ANKFY1: variants seen among roughly 807,000 people sequenced by gnomAD.
ANKFY1 encodes the protein ankyrin repeat and FYVE domain-containing protein 1.
In ANKFY1, 47 loss-of-function variants were observed where a neutral mutation model predicts 128.3. The ratio of observed to expected loss-of-function variants is 0.37; its 90% CI spans 0.29 to 0.47. The LOEUF (loss-of-function observed/expected upper bound fraction) is 0.47, where lower values mean the gene tolerates loss of function less well. Among genes scored for constraint, ANKFY1 ranks in the 20% least tolerant of loss-of-function variants. The pLI, the probability that ANKFY1 is intolerant of heterozygous loss-of-function variation, is 1.00. For missense variants in ANKFY1, 1,222 were observed against 1,510.6 expected (o/e 0.81, Z 3.17); for synonymous variants, 553 against 601.6 (o/e 0.92, Z 1.18).
chr17:4,218,269 C>G (rs1189938361), intron 3 of ANKFY1, among the ~76,000 whole-genome samples: 1 of 152,092 alleles, frequency 6.6e-6, no homozygotes, highest in Non-Finnish European at 1.5e-5. Context: ...CTAAGATGCT[C>G]AGCACAATAT....
Position 4,179,741 on chromosome 17 carries a change from C to A in ANKFY1, c.2377G>T (p.Gly793Cys). The A allele has an allele frequency of 6.2e-7, 1 of 1,614,188 alleles. No individual in the cohort carries two copies. Among genetic ancestry groups the A allele is most frequent in the Non-Finnish European group, 8.5e-7 (1 of 1,180,050 alleles). Residue 793 changes from glycine (G) to cysteine (C), a missense_variant, in exon 17 of 25, where the codon GGT (glycine) becomes TGT (cysteine). Transcript: ENST00000341657. ...EETVQCLLEFGANVNAQDAEG... is the reference protein window; with the variant it reads ...EETVQCLLEFCANVNAQDAEG... ...CACACCTGTGCGTTCACGTTGGCAC[C>A]AAACTCCAGAAGACACTGTACTGTC...
intron 1 of ANKFY1, among the ~76,000 whole-genome samples, chr17:4,253,437 T>C (rs1468901149): frequency 6.6e-6 from 1 of 152,190 alleles, no homozygotes; most frequent in Admixed American, 6.5e-5. Context: ...TTATTGTTTG[T>C]CAATTACACC....
In ANKFY1 at chr17:4,169,343, C is replaced by T; in HGVS notation, c.3287-55G>A. The T allele has an allele frequency of 7.2e-7, 1 of 1,389,854 alleles. No homozygotes were observed. The highest frequency in any genetic ancestry group is 9.9e-7 in the Non-Finnish European group (1 of 1,005,124). 86.1% of individuals were successfully genotyped at this position (1,389,854 alleles called of 1,614,324 possible). On this transcript the variant is annotated intron_variant, in intron 23 of 24. Coordinates refer to ENST00000341657, the MANE Select transcript of ANKFY1 (RefSeq NM_001330063.2). This position sits in a 1 kb window ranked among gnomAD's most constrained non-coding sequence, Gnocchi z 5.0. ...TCAAACCGCGACGGCGCCACGCAAG[C>T]CCCAGGGCTTGGAGGCAGCAGGAAC...
At chr17:4,171,065 G>T (rs892331916) in intron 22 of ANKFY1, among the ~76,000 whole-genome samples, 1 of 152,196 alleles carries the variant, frequency 6.6e-6, no homozygotes, top group Non-Finnish European at 1.5e-5. Flanking sequence ...ATGTGGCCAC[G>T]AGCCAAAGAA....
At chr17:4,245,472 G>C (rs552768125) in intron 1 of ANKFY1, among the ~76,000 whole-genome samples, 1 of 152,064 alleles carries the variant, frequency 6.6e-6, no homozygotes, top group East Asian at 1.9e-4. Flanking sequence ...CCTAGTACCT[G>C]GGACCACAAG....
chr17:4,213,605 C>T (rs1379699332), intron 4 of ANKFY1, among the ~76,000 whole-genome samples: 1 of 144,320 alleles, frequency 6.9e-6, no homozygotes, highest in African/African-American at 2.6e-5. Flanking sequence ...CTTACTTTGT[C>T]GCCCAGGCTG....
At chr17:4,192,197 T>G in intron 10 of ANKFY1, among the ~76,000 whole-genome samples, 1 of 148,388 alleles carries the variant, frequency 6.7e-6, no homozygotes, top group South Asian at 2.2e-4. Flanking sequence ...ATCTGGAGAC[T>G]CCTAGTTGAT....
At chr17:4,203,544 A>G (rs2059969179) in intron 7 of ANKFY1, among the ~76,000 whole-genome samples, 1 of 152,104 alleles carries the variant, frequency 6.6e-6, no homozygotes, top group Non-Finnish European at 1.5e-5. Flanking sequence ...GGCCAGGCGC[A>G]GTGGCTCACG....
At chr17:4,224,220 T>G (rs1372246730) in intron 3 of ANKFY1, among the ~76,000 whole-genome samples, 8 of 129,054 alleles carry the variant, frequency 6.2e-5, no homozygotes, top group Non-Finnish European at 1.2e-4. Flanking sequence ...TGAAGTTTTT[T>G]TTTTTTTTTT....
At chr17:4,176,508 C>T (rs1315263834) in intron 19 of ANKFY1, among the ~76,000 whole-genome samples, 2 of 152,212 alleles carry the variant, frequency 1.3e-5, no homozygotes, top group African/African-American at 4.8e-5. Flanking sequence ...TGACACCCCA[C>T]GATCTGCTTT....
chr17:4,221,209 CTTTG>C (rs1237280080), intron 3 of ANKFY1, among the ~76,000 whole-genome samples: 1 of 152,150 alleles, frequency 6.6e-6, no homozygotes, highest in Non-Finnish European at 1.5e-5. Flanking sequence ...AGTAAACTGA[CTTTG>C]TTTTTTACTT....
intron 1 of ANKFY1, among the ~76,000 whole-genome samples, chr17:4,261,291 C>T (rs949679354): frequency 6.6e-6 from 1 of 152,184 alleles, no homozygotes; most frequent in Non-Finnish European, 1.5e-5. Context: ...GAGTTCAAGA[C>T]CAGCCTAGCC....
intron 21 of ANKFY1, 112 bp from the exon 22 acceptor site, chr17:4,172,792 C>A: frequency 7.2e-7 from 1 of 1,396,378 alleles, no homozygotes; most frequent in Non-Finnish European, 9.6e-7. Context: ...AGACACAAAA[C>A]AAGTCACAAA....
At chr17:4,263,482 C>CA in intron 1 of ANKFY1, 117 of 736,750 alleles carry the variant, frequency 1.6e-4, no homozygotes, top group Non-Finnish European at 2.1e-4. Flanking sequence ...CACCCCACCT[C>CA]ACCCCAACCC....
At chr17:4,241,908 T>C (rs1216326497) in intron 2 of ANKFY1, among the ~76,000 whole-genome samples, 1 of 151,532 alleles carries the variant, frequency 6.6e-6, no homozygotes, top group Non-Finnish European at 1.5e-5. Context: ...GCTAACATGT[T>C]GAAACCCCGT....
rs564285041 is a variant in ANKFY1 at position 4,218,248 on chromosome 17, A to C, written c.323-1130T>G. 1.4e-4 allele frequency among the ~76,000 whole-genome samples: 21 copies of C among 152,356 alleles called. 1 individual carries two copies. Among genetic ancestry groups the C allele is most frequent in the African/African-American group, 5.0e-4 (21 of 41,590 alleles). On this transcript the variant is annotated intron_variant, in intron 3 of 24. Transcript: ENST00000341657. ...CCAAAGAAAATAACTGGACAGATAA[A>C]GAAAAATGTACTAAGATGCTCAGCA...
chr17:4,207,972 T>C lies in ANKFY1; in HGVS notation c.693A>G (p.Glu231=). The change falls in exon 6 of 25, where the codon GAA becomes GAG. Residue 231 remains glutamate (E), a synonymous_variant. Transcript: ENST00000341657. ...PLHKAIKVER[E]DVVFLYLIEM... is the part of the protein sequence containing the mutation. The stretch of plus-strand genomic sequence containing the variant: ...CAATCAGATACAGGAAGACCACGTC[T>C]TCTCTCTCCACTTTGATGGCTTTAT... 6.2e-7 allele frequency: 1 copy of C among 1,609,598 alleles called. No homozygotes were observed. Among genetic ancestry groups the C allele is most frequent in the Non-Finnish European group, 8.5e-7 (1 of 1,178,166 alleles).
At chr17:4,227,982 C>A (rs563180381) in intron 3 of ANKFY1, among the ~76,000 whole-genome samples, 7 of 152,204 alleles carry the variant, frequency 4.6e-5, no homozygotes, top group African/African-American at 1.7e-4. Context: ...ATTAAACAGT[C>A]CCTCCTAGAT....
chr17:4,174,009 A>T lies in ANKFY1; in HGVS notation c.2823T>A (p.Thr941=). 6.2e-7 allele frequency: 1 copy of T among 1,614,232 alleles called. No individual in the cohort carries two copies. The highest frequency in any genetic ancestry group is 8.5e-7 in the Non-Finnish European group (1 of 1,180,024). ...KVNELTKHRQ[T]ALHLAAQQDL... ...CCTGCTGGGCAGCAAGATGGAGGGCAGTCTGGCGATGCTTGGTTAATTCGT... is the reference window on the plus strand; with the variant it reads ...CCTGCTGGGCAGCAAGATGGAGGGCTGTCTGGCGATGCTTGGTTAATTCGT... The change falls in exon 20 of 25, where the codon ACT becomes ACA. Residue 941 remains threonine (T), a synonymous_variant. Transcript: ENST00000341657.
Sources: gnomAD v4.1 joint callset for allele counts (sites outside exome capture counted in the v4.1 genomes callset) on GRCh38, gnomAD v4.1.1 for gene constraint, Gnocchi (gnomAD v3.1) non-coding constraint, MANE v1.5 for transcripts, NCBI Gene and HGNC (gene_info 2026-07-23, HGNC 2026-07-21) for gene names.